The following KCNIP4 variants were observed in gnomAD, a reference collection of about 807,000 sequenced individuals.
KCNIP4 encodes the protein potassium voltage-gated channel interacting protein 4, also known as Kv channel-interacting protein 4.
KCNIP4 carries 12 observed loss-of-function variants against 34.0 expected under a neutral mutation model. The observed-to-expected ratio is 0.35, with a 90% confidence interval of 0.23 to 0.57. The LOEUF (loss-of-function observed/expected upper bound fraction) is 0.57. Ranked by LOEUF, KCNIP4 falls within the 20% of genes least tolerant of loss-of-function variation. The pLI is 0.83. For synonymous variants in KCNIP4, 124 were observed against 102.2 expected (o/e 1.21, Z -1.29); for missense variants, 238 against 311.7 (o/e 0.76, Z 1.78).
intron 1 of KCNIP4, among the ~76,000 whole-genome samples, chr4:21,471,220 A>T (rs1460491): frequency 2.0e-5 from 3 of 151,896 alleles, no homozygotes; most frequent in Non-Finnish European, 2.9e-5. Flanking sequence ...TGTTTTTAGG[A>T]ATTGAGGAAA....
At chr4:21,573,583 T>C (rs1740512458) in intron 1 of KCNIP4, among the ~76,000 whole-genome samples, 2 of 152,166 alleles carry the variant, frequency 1.3e-5, no homozygotes, top group South Asian at 4.1e-4. Flanking sequence ...TATTAATTCA[T>C]CTATGTAAGG....
chr4:20,951,048 G>C (rs980959183), intron 1 of KCNIP4, among the ~76,000 whole-genome samples: 3 of 152,088 alleles, frequency 2.0e-5, no homozygotes, highest in African/African-American at 7.2e-5. Flanking sequence ...TCATAAGGTT[G>C]GGACACTGAT....
intron 1 of KCNIP4, among the ~76,000 whole-genome samples, chr4:21,105,859 A>G (rs950853634): frequency 8.6e-5 from 13 of 151,434 alleles, no homozygotes; most frequent in South Asian, 2.1e-4. Flanking sequence ...ATAATCATGT[A>G]GTTTTTGTCT....
chr4:21,620,387 A>G (rs967202032), intron 1 of KCNIP4, among the ~76,000 whole-genome samples: 1 of 152,158 alleles, frequency 6.6e-6, no homozygotes, highest in Non-Finnish European at 1.5e-5. Context: ...CTGTAGTCCC[A>G]GCTACTCAGG....
At chr4:20,786,602 A>G (rs1034673538) in intron 3 of KCNIP4, among the ~76,000 whole-genome samples, 11 of 152,170 alleles carry the variant, frequency 7.2e-5, no homozygotes, top group African/African-American at 2.7e-4. Flanking sequence ...CATCACAACC[A>G]TCAACAAACT....
intron 1 of KCNIP4, among the ~76,000 whole-genome samples, chr4:20,911,687 G>A (rs972802352): frequency 3.3e-5 from 5 of 152,116 alleles, no homozygotes; most frequent in East Asian, 1.9e-4. Context: ...ATTCCTTTTC[G>A]CTGTTATAAA....
At chr4:21,047,231 A>C (rs553275485) in intron 1 of KCNIP4, among the ~76,000 whole-genome samples, 1 of 152,248 alleles carries the variant, frequency 6.6e-6, no homozygotes, top group South Asian at 2.1e-4. Context: ...TTACCTCTTC[A>C]TGATTTTTTT....
At chr4:21,010,063 C>A (rs910192362) in intron 1 of KCNIP4, among the ~76,000 whole-genome samples, 2 of 152,210 alleles carry the variant, frequency 1.3e-5, no homozygotes, top group African/African-American at 4.8e-5. Flanking sequence ...ACCCTAATTA[C>A]TTCCCAAAGG....
chr4:21,710,132 T>C (rs547883114), intron 1 of KCNIP4, among the ~76,000 whole-genome samples: 32 of 152,370 alleles, frequency 2.1e-4, no homozygotes, highest in Admixed American at 5.2e-4. Flanking sequence ...TATTAGATGA[T>C]GTGGAAGATG....
intron 1 of KCNIP4, among the ~76,000 whole-genome samples, chr4:21,757,267 GAAAAGAAAAGAAAAGAAAAGAGAAA>G (rs1323184205): frequency 8.6e-5 from 6 of 69,420 alleles, no homozygotes; most frequent in African/African-American, 2.1e-4. Flanking sequence ...GAAAAGAAAA[GAAAAGAAAAGAAAAGAAAAGAGAAA>G]AGAAAAGAAA....
chr4:21,009,395 T>G (rs1337319673), intron 1 of KCNIP4, among the ~76,000 whole-genome samples: 2 of 152,222 alleles, frequency 1.3e-5, no homozygotes, highest in Non-Finnish European at 2.9e-5. Context: ...GAAATTGAAT[T>G]CTCCTGATTT....
rs1267406250 is a variant in KCNIP4 at position 21,501,236 on chromosome 4, TCTCTCTCTCTCTCA to T, written c.61+447321_61+447334del. The stretch of plus-strand genomic sequence containing the variant: ...TATCAACTGCCTTTCTCTCTCTCTC[TCTCTCTCTCTCTCA>T]CACACACACACACACACACACACAT... On this transcript the variant is annotated intron_variant, in intron 1 of 8. Coordinates refer to ENST00000382152, the MANE Select transcript of KCNIP4 (RefSeq NM_025221.6). Among the ~76,000 whole-genome samples, 8 of 129,074 alleles carry T rather than the reference TCTCTCTCTCTCTCA, an allele frequency of 6.2e-5. No homozygotes were observed. In the Admixed American group the frequency reaches 6.4e-4, roughly 10 times the overall value. The allele number at this position is 129,074 out of a possible 152,430, so 84.7% of individuals were successfully genotyped here.
rs116447363 is a variant in KCNIP4 at position 20,911,148 on chromosome 4, C to T, written c.62-28439G>A. Among the ~76,000 whole-genome samples the T allele has an allele frequency of 5.0e-3, 760 of 152,212 alleles. 4 individuals are homozygous for T. The highest frequency in any genetic ancestry group is 0.018 in the African/African-American group (740 of 41,540). On this transcript the variant is annotated intron_variant, in intron 1 of 8. Transcript: ENST00000382152. ...ATTGTCTGTTTCTTACAGGGCTATC[C>T]TTTCTTCTTACTAAACAAGGAAATA...
chr4:21,132,902 A>G (rs1001489128), intron 1 of KCNIP4, among the ~76,000 whole-genome samples: 4 of 150,712 alleles, frequency 2.7e-5, no homozygotes, highest in Admixed American at 6.6e-5. Context: ...AATCCCAGCT[A>G]CTTGGGACGC....
At chr4:20,845,866 G>C (rs1428756865) in intron 3 of KCNIP4, among the ~76,000 whole-genome samples, 1 of 152,074 alleles carries the variant, frequency 6.6e-6, no homozygotes, top group Non-Finnish European at 1.5e-5. Context: ...GCTTAGAAAA[G>C]GATCCACGAT....
intron 1 of KCNIP4, among the ~76,000 whole-genome samples, chr4:21,588,910 A>C (rs1741883101): frequency 6.6e-6 from 1 of 151,570 alleles, no homozygotes; most frequent in Non-Finnish European, 1.5e-5. Flanking sequence ...AAATTCAGAG[A>C]CACAGCAGGC....
At chr4:20,955,564 A>C (rs1418633228) in intron 1 of KCNIP4, among the ~76,000 whole-genome samples, 1 of 152,148 alleles carries the variant, frequency 6.6e-6, no homozygotes, top group African/African-American at 2.4e-5. Context: ...CACTCTTTCA[A>C]CTTGATAAAA....
At chr4:20,941,044 A>T (rs1023581541) in intron 1 of KCNIP4, among the ~76,000 whole-genome samples, 6 of 152,226 alleles carry the variant, frequency 3.9e-5, no homozygotes, top group African/African-American at 1.2e-4. Flanking sequence ...TTGAGACGAC[A>T]TGAGTTAATG....
At chr4:21,113,476 AAAAAG>A (rs1560734532) in intron 1 of KCNIP4, among the ~76,000 whole-genome samples, 80 of 150,442 alleles carry the variant, frequency 5.3e-4, no homozygotes, top group Middle Eastern at 6.9e-3. Flanking sequence ...AAAAAAAAAA[AAAAAG>A]GAAAGCTATA....
Sources: gnomAD v4.1 joint callset for allele counts (sites outside exome capture counted in the v4.1 genomes callset) on GRCh38, gnomAD v4.1.1 for gene constraint, MANE v1.5 for transcripts, NCBI Gene and HGNC (gene_info 2026-07-23, HGNC 2026-07-21) for gene names.